EPHA5: variants seen among roughly 807,000 people sequenced by gnomAD.
EPHA5 encodes EPH receptor A5.
In EPHA5, 60 loss-of-function variants were observed where a neutral mutation model predicts 105.0. That is an observed-to-expected ratio of 0.57 (90% CI 0.46 to 0.71). EPHA5 has a LOEUF of 0.71. EPHA5 is among the 30% of genes least tolerant of loss of function. EPHA5 has a pLI of 0.00. For missense variants in EPHA5, 1,218 were observed against 1,274.7 expected (o/e 0.96, Z 0.68); for synonymous variants, 513 against 449.1 (o/e 1.14, Z -1.80).
chr4:65,488,317 T>C (rs545263024), intron 5 of EPHA5, among the ~76,000 whole-genome samples: 33 of 152,346 alleles, frequency 2.2e-4, no homozygotes, highest in Admixed American at 1.4e-3. Flanking sequence ...GTTAAGGTTA[T>C]GCAAGCTGGA....
intron 5 of EPHA5, among the ~76,000 whole-genome samples, chr4:65,478,479 C>G (rs1730046112): frequency 6.6e-6 from 1 of 151,812 alleles, no homozygotes; most frequent in Non-Finnish European, 1.5e-5. Context: ...CTGTTATGCT[C>G]TTTTTTTTCT....
chr4:65,407,762 CT>C (rs35390872), intron 7 of EPHA5, among the ~76,000 whole-genome samples: 1 of 150,566 alleles, frequency 6.6e-6, no homozygotes, highest in East Asian at 2.0e-4. Context: ...TTTACATTTT[CT>C]TTTTTTTGTG....
intron 7 of EPHA5, among the ~76,000 whole-genome samples, chr4:65,413,783 T>G (rs910246386): frequency 6.6e-6 from 1 of 152,114 alleles, no homozygotes; most frequent in Non-Finnish European, 1.5e-5. Context: ...TCAAAAAGGG[T>G]GCTCCAAAAA....
chr4:65,359,524 C>T (rs918610100), intron 11 of EPHA5, among the ~76,000 whole-genome samples: 1 of 151,446 alleles, frequency 6.6e-6, no homozygotes, highest in Non-Finnish European at 1.5e-5. Context: ...AATCTTGTTC[C>T]TCATAAGCTT....
chr4:65,421,093 G>A (rs1055713313), intron 5 of EPHA5, among the ~76,000 whole-genome samples: 4 of 151,926 alleles, frequency 2.6e-5, no homozygotes, highest in Non-Finnish European at 5.9e-5. Context: ...TTTAAAATAA[G>A]AGCAAATAAA....
At chr4:65,584,673 A>T (rs11131600) in intron 3 of EPHA5, among the ~76,000 whole-genome samples, 75,651 of 151,704 alleles carry the variant, frequency 0.5, 20,236 homozygotes, top group Middle Eastern at 0.65. Context: ...GTACATAACA[A>T]TTTTTGTTAA....
chr4:65,426,050 C>A (rs570064034), intron 5 of EPHA5, among the ~76,000 whole-genome samples: 1 of 152,224 alleles, frequency 6.6e-6, no homozygotes, highest in South Asian at 2.1e-4. Context: ...CTTCTTTACA[C>A]CTTCCTGGCC....
chr4:65,370,598 C>A (rs1033584629), intron 8 of EPHA5, among the ~76,000 whole-genome samples: 27 of 152,162 alleles, frequency 1.8e-4, no homozygotes, highest in African/African-American at 6.5e-4. Context: ...CTCAAATAGC[C>A]TTTATCATTA....
intron 2 of EPHA5, among the ~76,000 whole-genome samples, chr4:65,636,801 C>T (rs543924983): frequency 8.1e-4 from 123 of 152,030 alleles, no homozygotes; most frequent in South Asian, 2.3e-3. Context: ...TATTATCTAC[C>T]GCCTTTTTCT....
intron 8 of EPHA5, among the ~76,000 whole-genome samples, chr4:65,378,090 A>T (rs1265903659): frequency 6.6e-6 from 1 of 151,942 alleles, no homozygotes; most frequent in Non-Finnish European, 1.5e-5. Flanking sequence ...AAGATAGATG[A>T]TTATTTCCAA....
At chr4:65,380,282 T>C (rs964747878) in intron 8 of EPHA5, among the ~76,000 whole-genome samples, 6 of 151,826 alleles carry the variant, frequency 4.0e-5, no homozygotes, top group African/African-American at 1.2e-4. Flanking sequence ...CTGTTGATCT[T>C]TGTTTTAACA....
intron 3 of EPHA5, among the ~76,000 whole-genome samples, chr4:65,552,072 C>G (rs559392839): frequency 1.3e-5 from 2 of 152,270 alleles, no homozygotes; most frequent in Admixed American, 1.3e-4. Flanking sequence ...AGCACGTTTT[C>G]ATTCACAGCA....
intron 10 of EPHA5, among the ~76,000 whole-genome samples, chr4:65,365,666 T>TAC (rs1717817659): frequency 1.0e-5 from 1 of 96,222 alleles, no homozygotes; most frequent in Non-Finnish European, 2.3e-5. Flanking sequence ...TATATATATA[T>TAC]ATATATATAT....
intron 7 of EPHA5, among the ~76,000 whole-genome samples, chr4:65,407,209 A>C (rs920166799): frequency 1.3e-5 from 2 of 152,138 alleles, no homozygotes; most frequent in Non-Finnish European, 2.9e-5. Flanking sequence ...AGCATTCAGA[A>C]GCCCTTCTAA....
chr4:65,348,662 A>G (rs1312088244), intron 13 of EPHA5, among the ~76,000 whole-genome samples: 11 of 4,550 alleles, frequency 2.4e-3, no homozygotes, highest in Non-Finnish European at 7.3e-3. Flanking sequence ...CATTGGAGAT[A>G]TATATATATA....
At chr4:65,411,075 T>TG (rs759235047) in intron 7 of EPHA5, among the ~76,000 whole-genome samples, 1 of 152,006 alleles carries the variant, frequency 6.6e-6, no homozygotes, top group Non-Finnish European at 1.5e-5. Flanking sequence ...CTGTTGAGAA[T>TG]GGGGGTAATG....
chr4:65,539,834 A>C (rs1478780656), intron 3 of EPHA5, among the ~76,000 whole-genome samples: 1 of 151,592 alleles, frequency 6.6e-6, no homozygotes, highest in East Asian at 1.9e-4. Flanking sequence ...AAATCATACA[A>C]TAAACTATAC....
intron 3 of EPHA5, among the ~76,000 whole-genome samples, chr4:65,533,141 G>A (rs917856206): frequency 1.3e-4 from 20 of 151,862 alleles, no homozygotes; most frequent in African/African-American, 3.9e-4. Flanking sequence ...CCAAATCAAT[G>A]CTGAAATAAA....
intron 7 of EPHA5, among the ~76,000 whole-genome samples, chr4:65,407,359 T>C (rs1179976431): frequency 6.6e-6 from 1 of 152,110 alleles, no homozygotes; most frequent in Non-Finnish European, 1.5e-5. Context: ...GTATTAAATT[T>C]GAGAAAAAAT....
Sources: allele counts gnomAD v4.1 joint callset (sites outside exome capture counted in the v4.1 genomes callset), GRCh38; gene constraint gnomAD v4.1.1; transcripts MANE v1.5; gene names NCBI Gene and HGNC (gene_info 2026-07-23, HGNC 2026-07-21).